The following ACBD6 variants were observed in gnomAD, a reference collection of about 807,000 sequenced individuals.
The protein encoded by ACBD6 is acyl-CoA-binding domain-containing protein 6.
In ACBD6, 28 loss-of-function variants were observed where a neutral mutation model predicts 37.2. The ratio of observed to expected loss-of-function variants is 0.75; its 90% CI spans 0.56 to 1.03. The LOEUF (loss-of-function observed/expected upper bound fraction) is 1.03. ACBD6 is among the 50% of genes least tolerant of loss of function. The pLI is 0.00. For synonymous variants in ACBD6, 113 were observed against 126.8 expected (o/e 0.89, Z 0.73); for missense variants, 340 against 337.4 (o/e 1.01, Z -0.06).
exon 11 of ACBD6, chr1:180,273,968 A>G: frequency 3.4e-6 from 2 of 590,952 alleles, no homozygotes; most frequent in South Asian, 4.0e-5. Flanking sequence ...GGGACCTGGG[A>G]ATTTAGTCTT....
intron 3 of ACBD6, among the ~76,000 whole-genome samples, chr1:180,451,186 T>C (rs752386697): frequency 3.9e-5 from 6 of 152,144 alleles, no homozygotes; most frequent in African/African-American, 7.2e-5. Context: ...GAAATGCAAA[T>C]TGAAATCACA....
intron 6 of ACBD6, among the ~76,000 whole-genome samples, chr1:180,321,971 T>C (rs1298487677): frequency 6.6e-6 from 1 of 152,148 alleles, no homozygotes; most frequent in Non-Finnish European, 1.5e-5. Context: ...TTTTTCCCCA[T>C]TCACTATGAT....
At chr1:180,370,864 A>G (rs923031204) in intron 6 of ACBD6, among the ~76,000 whole-genome samples, 4 of 152,150 alleles carry the variant, frequency 2.6e-5, no homozygotes, top group Admixed American at 2.6e-4. Context: ...TTGTTTTATT[A>G]TTATTTTAAT....
intron 3 of ACBD6, chr1:180,435,688 C>T: frequency 1.1e-6 from 1 of 902,616 alleles, no homozygotes. Context: ...AGAAGGTGAA[C>T]AAGAAGTTAG....
chr1:180,418,079 T>A (rs1000045593), intron 4 of ACBD6, among the ~76,000 whole-genome samples: 4 of 151,986 alleles, frequency 2.6e-5, no homozygotes. Flanking sequence ...ACATATCTAA[T>A]CTTAATTTTA....
At chr1:180,320,128 A>G (rs774929844) in intron 6 of ACBD6, among the ~76,000 whole-genome samples, 1 of 152,300 alleles carries the variant, frequency 6.6e-6, no homozygotes, top group African/African-American at 2.4e-5. Context: ...ACAACAGTGT[A>G]TAAGGGTTCC....
intron 13 of ACBD6, chr1:180,272,027 C>T (rs1648701024): frequency 1.9e-6 from 3 of 1,603,924 alleles, no homozygotes; most frequent in Non-Finnish European, 2.6e-6. Context: ...CTGGAGGGGC[C>T]AGGCCGAGGC....
intron 6 of ACBD6, among the ~76,000 whole-genome samples, chr1:180,377,388 G>T (rs1208207192): frequency 6.6e-6 from 1 of 152,050 alleles, no homozygotes; most frequent in Non-Finnish European, 1.5e-5. Context: ...TGTTCCAAAA[G>T]GATTGAGCAC....
chr1:180,284,006 A>G (rs188446370), downstream of ACBD6, among the ~76,000 whole-genome samples: 1 of 152,206 alleles, frequency 6.6e-6, no homozygotes, highest in Non-Finnish European at 1.5e-5. Context: ...TGAATTCCCA[A>G]TAACTATACA....
At chr1:180,340,659 TG>T (rs1286823480) in intron 6 of ACBD6, among the ~76,000 whole-genome samples, 5 of 145,858 alleles carry the variant, frequency 3.4e-5, no homozygotes, top group Non-Finnish European at 7.5e-5. Flanking sequence ...AAAACAGGGG[TG>T]GGGGGTTTAA....
intron 5 of ACBD6, among the ~76,000 whole-genome samples, chr1:180,406,623 A>G (rs1647639642): frequency 6.6e-6 from 1 of 151,968 alleles, no homozygotes; most frequent in Admixed American, 6.5e-5. Flanking sequence ...TCAGTGAATA[A>G]TGTATTTATT....
Position 180,454,833 on chromosome 1 carries a change from C to A in ACBD6, c.385-24571G>T, listed in dbSNP as rs10913997. 7.1e-3 allele frequency among the ~76,000 whole-genome samples: 1,075 copies of A among 152,296 alleles called. 8 individuals carry two copies. The highest frequency in any genetic ancestry group is 0.024 in the African/African-American group (1,004 of 41,546). ...AACCACAATGAGATACCATCTCACA[C>A]CAGTTAGAATGGTGATCATTAAAAA... On this transcript the variant is annotated intron_variant, in intron 3 of 7. Coordinates refer to ENST00000367595, the MANE Select transcript of ACBD6 (RefSeq NM_032360.4).
At chr1:180,271,518 A>G (rs1558224222) in exon 14 of ACBD6, 1 of 1,614,164 alleles carries the variant, frequency 6.2e-7, no homozygotes, top group Non-Finnish European at 8.5e-7. Flanking sequence ...ACAGGCCTGG[A>G]CATGAGGGTC....
At chr1:180,364,789 A>G (rs1243831931) in intron 6 of ACBD6, among the ~76,000 whole-genome samples, 1 of 148,376 alleles carries the variant, frequency 6.7e-6, no homozygotes, top group East Asian at 2.0e-4. Flanking sequence ...GCTGGAGTAC[A>G]GTAGCGCGAT....
chr1:180,344,681 T>C lies in ACBD6; in HGVS notation c.664-29959A>G, dbSNP rs114552429. 5.7e-3 allele frequency among the ~76,000 whole-genome samples: 871 copies of C among 152,276 alleles called. 10 individuals carry two copies. Among genetic ancestry groups the C allele is most frequent in the African/African-American group, 0.02 (827 of 41,546 alleles). On this transcript the variant is annotated intron_variant, in intron 6 of 7. Transcript: ENST00000367595. The stretch of plus-strand genomic sequence containing the variant: ...TTTCATTCTCACAACAACCCTATTA[T>C]GTAAACACTATTATTCCCATTTTCA...
At chr1:180,304,204 G>A (rs1650252272) in intron 7 of ACBD6, among the ~76,000 whole-genome samples, 1 of 150,664 alleles carries the variant, frequency 6.6e-6, no homozygotes, top group Admixed American at 6.6e-5. Context: ...CACAAGACAG[G>A]GATGCCCTCT....
intron 6 of ACBD6, among the ~76,000 whole-genome samples, chr1:180,350,350 T>G (rs952147500): frequency 7.9e-5 from 12 of 152,168 alleles, no homozygotes; most frequent in Admixed American, 7.9e-4. Flanking sequence ...TAATTCTGAT[T>G]TCTTCCCAGC....
At chr1:180,312,259 A>C (rs1650622922) in intron 7 of ACBD6, among the ~76,000 whole-genome samples, 7 of 152,128 alleles carry the variant, frequency 4.6e-5, no homozygotes, top group Admixed American at 4.6e-4. Flanking sequence ...TCTTTTAAAA[A>C]TTCTATTTTT....
At chr1:180,489,949 G>A (rs1651428335) in intron 3 of ACBD6, among the ~76,000 whole-genome samples, 1 of 152,206 alleles carries the variant, frequency 6.6e-6, no homozygotes, top group African/African-American at 2.4e-5. Context: ...GTGAGCCACT[G>A]TGCTTGGCCT....
Sources: allele counts gnomAD v4.1 joint callset (sites outside exome capture counted in the v4.1 genomes callset), GRCh38; gene constraint gnomAD v4.1.1; transcripts MANE v1.5; gene names NCBI Gene and HGNC (gene_info 2026-07-23, HGNC 2026-07-21).